NXPH1: variants seen among roughly 807,000 people sequenced by gnomAD.
NXPH1 encodes neurexophilin 1, also known as neurexophilin-1.
NXPH1 carries 5 observed loss-of-function variants against 23.7 expected under a neutral mutation model. That is an observed-to-expected ratio of 0.21 (90% CI 0.11 to 0.44). The LOEUF is 0.44. Among genes scored for constraint, NXPH1 ranks in the 20% least tolerant of loss-of-function variants. The pLI is 0.99. For synonymous variants in NXPH1, 144 were observed against 122.2 expected (o/e 1.18, Z -1.18); for missense variants, 324 against 321.6 (o/e 1.01, Z -0.06).
intron 2 of NXPH1, among the ~76,000 whole-genome samples, chr7:8,559,669 G>T (rs1486968878): frequency 6.6e-6 from 1 of 151,618 alleles, no homozygotes; most frequent in East Asian, 2.0e-4. Flanking sequence ...CTGGGGTTGG[G>T]TCTGGTGCCT....
intron 2 of NXPH1, among the ~76,000 whole-genome samples, chr7:8,492,240 C>T (rs549891778): frequency 1.1e-4 from 17 of 152,124 alleles, no homozygotes; most frequent in Middle Eastern, 3.4e-3. Context: ...GTTATTCCTA[C>T]GTTTTGACGT....
chr7:8,468,599 G>A (rs1211380135), intron 2 of NXPH1, among the ~76,000 whole-genome samples: 1 of 152,006 alleles, frequency 6.6e-6, no homozygotes, highest in Admixed American at 6.6e-5. Context: ...AGGAAACTAT[G>A]GCCTGGGATT....
At chr7:8,533,589 C>T (rs958172589) in intron 2 of NXPH1, among the ~76,000 whole-genome samples, 30 of 152,190 alleles carry the variant, frequency 2.0e-4, no homozygotes. Context: ...TTATGGCTAG[C>T]GGTATTATAG....
At chr7:8,491,818 C>A (rs1035527095) in intron 2 of NXPH1, among the ~76,000 whole-genome samples, 1 of 152,058 alleles carries the variant, frequency 6.6e-6, no homozygotes, top group Admixed American at 6.6e-5. Context: ...ATTCAGCATG[C>A]CAAATTTTCA....
At chr7:8,594,651 A>T (rs548867908) in intron 2 of NXPH1, among the ~76,000 whole-genome samples, 1 of 152,056 alleles carries the variant, frequency 6.6e-6, no homozygotes, top group Non-Finnish European at 1.5e-5. Context: ...GGGGAAGAGA[A>T]ATGAGTTTTG....
chr7:8,565,350 A>T (rs961473275), intron 2 of NXPH1, among the ~76,000 whole-genome samples: 6 of 151,838 alleles, frequency 4.0e-5, no homozygotes, highest in African/African-American at 1.4e-4. Context: ...GCAATGCAGG[A>T]TCTTAGTATT....
intron 2 of NXPH1, among the ~76,000 whole-genome samples, chr7:8,485,562 C>A (rs57339326): frequency 4.6e-5 from 7 of 152,036 alleles, no homozygotes; most frequent in Non-Finnish European, 1.0e-4. Context: ...TGTTCTTCTC[C>A]GGGCCCCATG....
At chr7:8,666,770 CTAG>C (rs1458005821) in intron 2 of NXPH1, among the ~76,000 whole-genome samples, 1 of 151,852 alleles carries the variant, frequency 6.6e-6, no homozygotes, top group Non-Finnish European at 1.5e-5. Context: ...TAGTGTATGT[CTAG>C]TAATTTATCA....
chr7:8,453,201 A>G (rs181473252), intron 2 of NXPH1, among the ~76,000 whole-genome samples: 31 of 152,244 alleles, frequency 2.0e-4, no homozygotes, highest in African/African-American at 7.5e-4. Flanking sequence ...TTGTATTTGT[A>G]TTTATACTGT....
At chr7:8,683,630 A>C (rs1821092808) in intron 2 of NXPH1, among the ~76,000 whole-genome samples, 1 of 152,202 alleles carries the variant, frequency 6.6e-6, no homozygotes. Context: ...CTTTAATTTA[A>C]AAATAACCTA....
chr7:8,558,001 A>G (rs1562401658), intron 2 of NXPH1, among the ~76,000 whole-genome samples: 1 of 151,652 alleles, frequency 6.6e-6, no homozygotes, highest in Non-Finnish European at 1.5e-5. Flanking sequence ...CAGTCCTATC[A>G]TAAAAAAAAG....
intron 2 of NXPH1, among the ~76,000 whole-genome samples, chr7:8,466,951 A>G (rs1816796337): frequency 6.6e-6 from 1 of 152,008 alleles, no homozygotes; most frequent in Non-Finnish European, 1.5e-5. Context: ...CATTTCCTTA[A>G]TTTTTCCAAA....
intron 2 of NXPH1, among the ~76,000 whole-genome samples, chr7:8,550,144 T>TC (rs1818255829): frequency 6.6e-6 from 1 of 151,626 alleles, no homozygotes; most frequent in African/African-American, 2.4e-5. Context: ...GCAGGAATAG[T>TC]ACAAGCTTGT....
intron 2 of NXPH1, among the ~76,000 whole-genome samples, chr7:8,542,309 T>C (rs577304478): frequency 1.5e-4 from 22 of 151,706 alleles, no homozygotes; most frequent in Middle Eastern, 6.9e-3. Context: ...TTTATGTATC[T>C]AATTTCAGAG....
chr7:8,591,788 A>T (rs922169155), intron 2 of NXPH1, among the ~76,000 whole-genome samples: 1 of 151,676 alleles, frequency 6.6e-6, no homozygotes, highest in Non-Finnish European at 1.5e-5. Flanking sequence ...CTCACAACTT[A>T]ATGAACACTG....
intron 2 of NXPH1, among the ~76,000 whole-genome samples, chr7:8,481,995 C>T (rs941814579): frequency 6.6e-6 from 1 of 152,156 alleles, no homozygotes; most frequent in African/African-American, 2.4e-5. Context: ...GCACATGCAG[C>T]CTTGTTGCCT....
intron 2 of NXPH1, among the ~76,000 whole-genome samples, chr7:8,507,321 G>T (rs973429854): frequency 1.3e-5 from 2 of 151,692 alleles, no homozygotes; most frequent in African/African-American, 2.4e-5. Context: ...TAGATCATGA[G>T]TGAAACAGAA....
intron 2 of NXPH1, among the ~76,000 whole-genome samples, chr7:8,688,497 T>C (rs1177559114): frequency 1.3e-5 from 2 of 152,190 alleles, no homozygotes; most frequent in East Asian, 3.9e-4. Context: ...CAAACCAATC[T>C]TTAGATTGTG....
chr7:8,568,280 A>T (rs922202643), intron 2 of NXPH1, among the ~76,000 whole-genome samples: 1 of 151,882 alleles, frequency 6.6e-6, no homozygotes, highest in Admixed American at 6.6e-5. Context: ...TTAAGGTCCC[A>T]ATTTCCTCGA....
Sources: allele counts gnomAD v4.1 joint callset (sites outside exome capture counted in the v4.1 genomes callset), GRCh38; gene constraint gnomAD v4.1.1; transcripts MANE v1.5; gene names NCBI Gene and HGNC (gene_info 2026-07-23, HGNC 2026-07-21).